The following MRPL42 variants were observed in gnomAD, a reference collection of about 807,000 sequenced individuals.
The protein encoded by MRPL42 is mitochondrial ribosomal protein L42, also known as large ribosomal subunit protein mL42.
In MRPL42, 17 loss-of-function variants were observed where a neutral mutation model predicts 17.9. That is an observed-to-expected ratio of 0.95 (90% confidence interval 0.65 to 1.42). MRPL42 has a LOEUF of 1.42. Among genes scored for constraint, MRPL42 ranks in the 40% most tolerant of loss-of-function variants. MRPL42 has a pLI of 0.00. For synonymous variants in MRPL42, 59 were observed against 54.4 expected, an observed-to-expected ratio of 1.08 and a Z score of -0.37; for missense variants, 177 against 175.2, an observed-to-expected ratio of 1.01 and a Z score of -0.06.
At chr12:93,476,136 C>G (rs1880161546) in intron 2 of MRPL42, among the ~76,000 whole-genome samples, 1 of 152,064 alleles carries the variant, frequency 6.6e-6, no homozygotes. Flanking sequence ...CATCACTTCA[C>G]CACCACCACC....
chr12:93,474,714 C>G (rs1880077890), intron 2 of MRPL42, among the ~76,000 whole-genome samples: 1 of 152,150 alleles, frequency 6.6e-6, no homozygotes. Flanking sequence ...CAGGCGTGAG[C>G]TACCATGCCT....
rs534511246 is a variant in MRPL42, at chr12:93,502,651, T to C, written c.*1430T>C. On this transcript the variant is annotated 3_prime_UTR_variant, in exon 6 of 6. Transcript: ENST00000549982. Reference sequence around the variant, plus strand: ...TTGATTGAACTTGATAAATCAGAAATATTTACCAGCTTTGTCGATGGTGTA... The same window carrying C: ...TTGATTGAACTTGATAAATCAGAAACATTTACCAGCTTTGTCGATGGTGTA... 1 of 152,162 alleles carries C rather than the reference T, an allele frequency of 6.6e-6. No individual in the cohort carries two copies. The highest frequency in any genetic ancestry group is 1.9e-4 in the East Asian group (1 of 5,184). The allele number at this position is 152,162 out of a possible 1,614,324, so 9.4% of individuals were successfully genotyped here. A position where few individuals can be genotyped will look rare whatever the true frequency, so the allele number is the denominator to read the frequency against.
At position 93,507,468 on chromosome 12, in the gene MRPL42, A is replaced by G. The variant is rs1331507417; in HGVS notation, c.*6247A>G. The stretch of plus-strand genomic sequence containing the variant: ...AACTTGCTTATAAGTGTTTAAAATG[A>G]CTTAATGGGTTCTATCTTTTAAGGG... On this transcript the variant is annotated 3_prime_UTR_variant, in exon 6 of 6. Coordinates refer to ENST00000549982, the MANE Select transcript of MRPL42 (RefSeq NM_014050.4). The G allele has an allele frequency of 1.3e-5, 2 of 152,198 alleles. No homozygotes were observed. Among genetic ancestry groups the G allele is most frequent in the Non-Finnish European group, 1.5e-5 (1 of 68,038 alleles). The allele number at this position is 152,198 out of a possible 1,614,324, so 9.4% of individuals were successfully genotyped here.
At chr12:93,489,879 G>A (rs1953382369) in intron 5 of MRPL42, among the ~76,000 whole-genome samples, 1 of 152,150 alleles carries the variant, frequency 6.6e-6, no homozygotes, top group African/African-American at 2.4e-5. Flanking sequence ...ATGCTATCTG[G>A]ATTTTTCTCT....
chr12:93,476,564 C>CT (rs1477147359), intron 2 of MRPL42, among the ~76,000 whole-genome samples: 4 of 152,140 alleles, frequency 2.6e-5, no homozygotes, highest in Middle Eastern at 3.2e-3. Flanking sequence ...ACTCACTCTG[C>CT]TAGAAACATT....
chr12:93,497,989 T>G (rs7316694), intron 5 of MRPL42, among the ~76,000 whole-genome samples: 1 of 112,220 alleles, frequency 8.9e-6, no homozygotes, highest in African/African-American at 3.5e-5. Flanking sequence ...ATGTCCTTCC[T>G]TCCATCTCAG....
At chr12:93,480,519 C>T (rs10777518) in intron 4 of MRPL42, among the ~76,000 whole-genome samples, 101,257 of 151,266 alleles carry the variant, frequency 0.67, 34,099 homozygotes, top group Middle Eastern at 0.72. Context: ...GTCAGGGTGC[C>T]GGTTGATTTG....
intron 2 of MRPL42, among the ~76,000 whole-genome samples, chr12:93,474,266 G>GT (rs950151944): frequency 3.2e-4 from 49 of 150,906 alleles, no homozygotes; most frequent in Middle Eastern, 3.4e-3. Flanking sequence ...ATACAAAATT[G>GT]TTTTTTTTTA....
At chr12:93,487,809 T>C in intron 5 of MRPL42, 149 bp downstream of exon 5, 1 of 636,032 alleles carries the variant, frequency 1.6e-6, no homozygotes, top group East Asian at 3.2e-5. Context: ...TTTTTTTTTC[T>C]TTTCTGAGAC....
At chr12:93,491,014 C>G (rs1953401383) in intron 5 of MRPL42, among the ~76,000 whole-genome samples, 1 of 152,148 alleles carries the variant, frequency 6.6e-6, no homozygotes, top group Non-Finnish European at 1.5e-5. Context: ...CCTCAGCCTC[C>G]CAAGTAACTG....
At chr12:93,478,623 C>G (rs76002691) in intron 3 of MRPL42, among the ~76,000 whole-genome samples, 7,830 of 152,168 alleles carry the variant, frequency 0.051, 254 homozygotes, top group South Asian at 0.14. Context: ...GTTTTTGAAC[C>G]TGGAAAGACT....
In MRPL42 at chr12:93,503,088, T is replaced by C. The variant is rs1382205277; in HGVS notation, c.*1867T>C. On this transcript the variant is annotated 3_prime_UTR_variant, in exon 6 of 6. Coordinates refer to ENST00000549982, the MANE Select transcript of MRPL42 (RefSeq NM_014050.4). ...TAACATTTTATGAAAGATCTACTTA[T>C]TTGTCTGTTTTGCAGACATTTTAAA... The C allele has an allele frequency of 6.6e-6, 1 of 152,256 alleles. No homozygotes were observed. The highest frequency in any genetic ancestry group is 1.5e-5 in the Non-Finnish European group (1 of 68,048). The allele number at this position is 152,256 out of a possible 1,614,324, so 9.4% of individuals were successfully genotyped here. A position where few individuals can be genotyped will look rare whatever the true frequency, so the allele number is the denominator to read the frequency against.
intron 2 of MRPL42, 90 bp downstream of exon 2, chr12:93,469,445 A>C: frequency 1.1e-6 from 1 of 895,936 alleles, no homozygotes; most frequent in Non-Finnish European, 1.7e-6. Flanking sequence ...TATGCCTGTA[A>C]TTTGCAGGAG....
intron 5 of MRPL42, among the ~76,000 whole-genome samples, chr12:93,489,122 A>G (rs891881490): frequency 6.6e-6 from 1 of 152,224 alleles, no homozygotes; most frequent in East Asian, 1.9e-4. Context: ...GGTTAGTGTA[A>G]AACATAATCC....
chr12:93,470,449 A>G (rs750315857), intron 2 of MRPL42: 124 of 1,271,124 alleles, frequency 9.8e-5, no homozygotes, highest in African/African-American at 1.2e-4. Context: ...ATATTAAACT[A>G]TGTGAGCCAA....
intron 2 of MRPL42, among the ~76,000 whole-genome samples, chr12:93,473,247 T>C (rs1555200523): frequency 2.0e-5 from 3 of 152,178 alleles, no homozygotes. Flanking sequence ...TGGTAAAATA[T>C]CAGGTAATGA....
intron 5 of MRPL42, among the ~76,000 whole-genome samples, chr12:93,496,911 C>T (rs1953517159): frequency 6.6e-6 from 1 of 152,056 alleles, no homozygotes. Context: ...CTCCCAGGTA[C>T]AAGTGATTCC....
In MRPL42 at chr12:93,513,016, C is replaced by G. The variant is rs11107056; in HGVS notation, c.*11795C>G. 1 of 151,898 alleles carries G rather than the reference C, an allele frequency of 6.6e-6. No homozygotes were observed. The highest frequency in any genetic ancestry group is 1.5e-5 in the Non-Finnish European group (1 of 67,956). 9.4% of individuals were successfully genotyped at this position (151,898 alleles called of 1,614,324 possible). Reference sequence around the variant, plus strand: ...GTTTAAAAACTTTTTTTTCCCATTCCGACCATTATCCCTTTGTAAATCTGG... The same window carrying G: ...GTTTAAAAACTTTTTTTTCCCATTCGGACCATTATCCCTTTGTAAATCTGG... On this transcript the variant is annotated 3_prime_UTR_variant, in exon 6 of 6. Transcript: ENST00000549982.
At chr12:93,479,877 T>G (rs1193051142) in intron 4 of MRPL42, among the ~76,000 whole-genome samples, 1 of 151,486 alleles carries the variant, frequency 6.6e-6, no homozygotes, top group East Asian at 1.9e-4. Context: ...CTGACAGTTT[T>G]TTTTTTTTTT....
Sources: allele counts gnomAD v4.1 joint callset (sites outside exome capture counted in the v4.1 genomes callset), GRCh38; gene constraint gnomAD v4.1.1; transcripts MANE v1.5; gene names NCBI Gene and HGNC (gene_info 2026-07-23, HGNC 2026-07-21).